FER1L6: variants seen among roughly 807,000 people sequenced by gnomAD.
FER1L6 encodes fer-1-like protein 6.
A neutral mutation model predicts 219.2 loss-of-function variants in FER1L6; 177 were observed. The ratio of observed to expected loss-of-function variants is 0.81; its 90% CI spans 0.71 to 0.91. FER1L6 has a LOEUF of 0.91. Ranked by LOEUF, FER1L6 falls within the 40% of genes least tolerant of loss-of-function variation. The probability of loss-of-function intolerance (pLI) is 0.00; values close to 1 mark genes in which losing one functional copy is unlikely to be tolerated. For synonymous variants in FER1L6, 768 were observed against 824.3 expected, an observed-to-expected ratio of 0.93 and a Z score of 1.17; for missense variants, 2,153 against 2,259.9, an observed-to-expected ratio of 0.95 and a Z score of 0.96.
In FER1L6 at chr8:123,869,936, T is replaced by C. The variant is rs551643425; in HGVS notation, c.-8+17751T>C. ...CTCTTTTACAAAGGTGCAAAGGCAA[T>C]TGGATAGAGAAAGAAGACTTTTCAA... is the stretch of plus-strand genomic sequence containing the variant. On this transcript the variant is annotated intron_variant, in intron 1 of 40. Transcript: ENST00000522917. 3.3e-5 allele frequency among the ~76,000 whole-genome samples: 5 copies of C among 152,200 alleles called. No homozygotes were observed. In the East Asian group the frequency reaches 7.7e-4, roughly 24 times the overall value.
In FER1L6 at chr8:124,118,878, CAGA is replaced by C; in HGVS notation, c.5330_5332del (p.Glu1777del). On this transcript the variant is annotated inframe_deletion, in exon 40 of 41. Coordinates refer to ENST00000522917, the MANE Select transcript of FER1L6 (RefSeq NM_001039112.2). ...GAAGCTGAGTTCCACCTAGTTACAG[CAGA>C]AGAAGCTGAGAAAAATCCTGTTGGA... 1 of 1,613,996 alleles carries C rather than the reference CAGA, an allele frequency of 6.2e-7. No individual in the cohort carries two copies.
At position 123,966,194 on chromosome 8, in the gene FER1L6, G is replaced by A. The variant is rs1815531649; in HGVS notation, c.288G>A (p.Val96=). 1.2e-6 allele frequency: 2 copies of A among 1,614,006 alleles called. No homozygotes were observed. The highest frequency in any genetic ancestry group is 2.7e-5 in the African/African-American group (2 of 74,918). ...CCATCACCGAGGCTCGCCAGCTGGT[G>A]GGTGAGAACATTGACCCAGTTGTGA... ...AITITEARQL[V]GENIDPVVTI... The change falls in exon 5 of 41, where the codon GTG becomes GTA. Residue 96 remains valine, a synonymous_variant. Transcript: ENST00000522917.
intron 38 of FER1L6, among the ~76,000 whole-genome samples, chr8:124,101,663 C>T (rs746231388): frequency 6.6e-6 from 1 of 152,148 alleles, no homozygotes; most frequent in Non-Finnish European, 1.5e-5. Context: ...AGGGGCGGAG[C>T]TGTAATTGTT....
At chr8:124,061,780 T>C (rs1820591115) in intron 24 of FER1L6, 72 bp from the exon 25 acceptor site, 3 of 1,457,290 alleles carry the variant, frequency 2.1e-6, no homozygotes, top group Non-Finnish European at 2.8e-6. Flanking sequence ...GGAGACTGGA[T>C]GCCCAGCTGG....
intron 1 of FER1L6, among the ~76,000 whole-genome samples, chr8:123,908,611 T>TAA (rs1232965083): frequency 2.6e-4 from 40 of 152,346 alleles, no homozygotes; most frequent in East Asian, 1.9e-4. Flanking sequence ...ACAGGTTTTT[T>TAA]TTGGTGATAT....
At chr8:124,082,195 C>A in intron 32 of FER1L6, 93 bp from the exon 33 acceptor site, 2 of 980,976 alleles carry the variant, frequency 2.0e-6, no homozygotes, top group Non-Finnish European at 3.1e-6. Flanking sequence ...AATGAGTTCA[C>A]ATGAATAGCG....
chr8:124,015,600 T>TACATATAC (rs1481858453), intron 15 of FER1L6, among the ~76,000 whole-genome samples: 1 of 102,416 alleles, frequency 9.8e-6, no homozygotes, highest in African/African-American at 4.8e-5. Context: ...TATATATATA[T>TACATATAC]ATATATATAT....
chr8:124,007,442 G>T (rs918171224), intron 13 of FER1L6, among the ~76,000 whole-genome samples: 2 of 152,102 alleles, frequency 1.3e-5, no homozygotes, highest in African/African-American at 4.8e-5. Context: ...GGAAAACCTG[G>T]TCAAAACAAT....
intron 1 of FER1L6, among the ~76,000 whole-genome samples, chr8:123,950,142 G>A (rs368881084): frequency 5.4e-4 from 82 of 152,308 alleles, no homozygotes; most frequent in African/African-American, 1.8e-3. Context: ...AGGCTGCGGT[G>A]GGGGCGTCTA....
intron 8 of FER1L6, 57 bp downstream of exon 8, chr8:123,975,363 T>G: frequency 2.7e-5 from 40 of 1,465,720 alleles, no homozygotes; most frequent in Non-Finnish European, 3.3e-5. Context: ...TTTTAATCTC[T>G]TTCCCCTCCC....
rs1399948599 is a variant in FER1L6 at position 123,853,952 on chromosome 8, T to C, written c.-8+1767T>C. 1.3e-5 allele frequency among the ~76,000 whole-genome samples: 2 copies of C among 152,176 alleles called. No homozygotes were observed. Among genetic ancestry groups the C allele is most frequent in the Non-Finnish European group, 2.9e-5 (2 of 68,032 alleles). On this transcript the variant is annotated intron_variant, in intron 1 of 40. Coordinates refer to ENST00000522917, the MANE Select transcript of FER1L6 (RefSeq NM_001039112.2). The surrounding 1 kb of genome is among the most constrained non-coding windows in gnomAD (Gnocchi z 6.6). ...AGGAGCAAAGGATGCAGGGCTTCTG[T>C]GGGCCTGGCTCTCAGGGAAGCATCA...
intron 1 of FER1L6, among the ~76,000 whole-genome samples, chr8:123,933,502 A>G (rs1300692423): frequency 6.6e-6 from 1 of 152,172 alleles, no homozygotes; most frequent in African/African-American, 2.4e-5. Context: ...GCACGTAGCA[A>G]GCAGCACCCA....
At chr8:124,115,849 A>T (rs1823223830) in intron 39 of FER1L6, among the ~76,000 whole-genome samples, 1 of 152,208 alleles carries the variant, frequency 6.6e-6, no homozygotes, top group Non-Finnish European at 1.5e-5. Flanking sequence ...TCAAATGCAG[A>T]TCTGTCTATT....
At chr8:123,963,465 C>G in intron 3 of FER1L6, 67 bp downstream of exon 3, 5 of 1,541,404 alleles carry the variant, frequency 3.2e-6, no homozygotes, top group Non-Finnish European at 4.5e-6. Context: ...AGCACCTCTA[C>G]AGGTGCTGGG....
At chr8:123,933,388 GTGTGTGTGTGTGTC>G (rs879907302) in intron 1 of FER1L6, among the ~76,000 whole-genome samples, 5,414 of 140,452 alleles carry the variant, frequency 0.039, 120 homozygotes, top group Middle Eastern at 0.074. Flanking sequence ...CTGTGTGTGT[GTGTGTGTGTGTGTC>G]TGTGTGTGTG....
chr8:124,103,047 G>A (rs1822611029), intron 38 of FER1L6, 99 bp from the exon 39 acceptor site: 7 of 1,080,484 alleles, frequency 6.5e-6, no homozygotes, highest in Non-Finnish European at 9.7e-6. Flanking sequence ...GAATGAGTAG[G>A]AAGTGAAGGG....
At position 124,010,680 on chromosome 8, in the gene FER1L6, G is replaced by T. The variant is rs1278491194; in HGVS notation, c.1787G>T (p.Trp596Leu). Residue 596 changes from tryptophan (W) to leucine (L), a missense_variant, in exon 14 of 41, where the codon TGG becomes TTG. Physicochemically the swap from Trp to Leu is moderately conservative, Grantham distance 61. Coordinates refer to ENST00000522917, the MANE Select transcript of FER1L6 (RefSeq NM_001039112.2). Reference protein sequence around the residue: ...SWGDQTFRLHWSNMLEKMADF... With the variant: ...SWGDQTFRLHLSNMLEKMADF... ...GGAGACCAGACCTTCAGGCTGCACT[G>T]GTCCAACATGCTGGAGAAAATGGCA... 1 of 1,613,854 alleles carries T rather than the reference G, an allele frequency of 6.2e-7. No homozygotes were observed. Among genetic ancestry groups the T allele is most frequent in the Non-Finnish European group, 8.5e-7 (1 of 1,179,928 alleles).
intron 18 of FER1L6, among the ~76,000 whole-genome samples, chr8:124,033,317 T>C (rs1819052476): frequency 6.6e-6 from 1 of 152,180 alleles, no homozygotes; most frequent in Non-Finnish European, 1.5e-5. Flanking sequence ...GCTTTTATTA[T>C]AGGAAAATAA....
intron 1 of FER1L6, among the ~76,000 whole-genome samples, chr8:123,866,569 T>A (rs1446910931): frequency 1.3e-5 from 2 of 152,164 alleles, no homozygotes; most frequent in Non-Finnish European, 2.9e-5. Context: ...AACATCATGC[T>A]ACTTCCTGAA....
Sources: gnomAD v4.1 joint callset for allele counts (sites outside exome capture counted in the v4.1 genomes callset) on GRCh38, gnomAD v4.1.1 for gene constraint, Gnocchi (gnomAD v3.1) non-coding constraint, MANE v1.5 for transcripts, NCBI Gene and HGNC (gene_info 2026-07-23, HGNC 2026-07-21) for gene names.